CFAP44: variants seen among roughly 807,000 people sequenced by gnomAD.
CFAP44 encodes cilia and flagella associated protein 44.
A neutral mutation model predicts 216.2 loss-of-function variants in CFAP44; 134 were observed. That is an observed-to-expected ratio of 0.62 (90% CI 0.54 to 0.72). The LOEUF is 0.72. Ranked by LOEUF, CFAP44 falls within the 30% of genes least tolerant of loss-of-function variation. The pLI, the probability that CFAP44 is intolerant of heterozygous loss-of-function variation, is 0.00. For missense variants in CFAP44, 2,035 were observed against 2,182.1 expected, an observed-to-expected ratio of 0.93 and a Z score of 1.34; for synonymous variants, 700 against 727.6, an observed-to-expected ratio of 0.96 and a Z score of 0.61.
At position 113,344,668 on chromosome 3, in the gene CFAP44, A is replaced by G; in HGVS notation, c.3110T>C (p.Ile1037Thr). ...AGAGGATATCTTGTGGTCACTCAGT[A>G]TGGCATGAACCACAATAGTATCACT... ...LESDTIVVHA[I>T]LSDHKISSYR... The change falls in exon 23 of 35, where the codon ATA becomes ACA. Residue 1037 changes from isoleucine (I) to threonine (T), a missense_variant. Physicochemically the swap from Ile to Thr is moderately conservative, Grantham distance 89. This residue lies in a region of CFAP44 where 1,883 missense variants were observed against 2,023.7 expected (regional missense o/e 0.93). Coordinates refer to ENST00000393845, the MANE Select transcript of CFAP44 (RefSeq NM_001164496.2). 1 of 1,535,624 alleles carries G rather than the reference A, an allele frequency of 6.5e-7. No individual in the cohort carries two copies. Among genetic ancestry groups the G allele is most frequent in the Non-Finnish European group, 8.7e-7 (1 of 1,146,494 alleles).
At chr3:113,350,318 CAGAG>C (rs1248131460) in intron 22 of CFAP44, among the ~76,000 whole-genome samples, 1 of 148,170 alleles carries the variant, frequency 6.7e-6, no homozygotes, top group South Asian at 2.2e-4. Context: ...GACAGAAAGT[CAGAG>C]AGAGAGAAAG....
chr3:113,300,211 G>C (rs1019833525), intron 32 of CFAP44, among the ~76,000 whole-genome samples: 1 of 151,612 alleles, frequency 6.6e-6, no homozygotes, highest in African/African-American at 2.4e-5. Flanking sequence ...CTAGAGTCTG[G>C]GAAGGATAGT....
chr3:113,434,797 A>G (rs922376151), intron 1 of CFAP44: 6 of 152,192 alleles, frequency 3.9e-5, no homozygotes, highest in African/African-American at 1.4e-4. Context: ...TGAAGAAAAA[A>G]CTTTTTACAA....
chr3:113,308,438 G>T (rs910569265), intron 28 of CFAP44, among the ~76,000 whole-genome samples, 170 bp from the exon 29 acceptor site: 1 of 152,196 alleles, frequency 6.6e-6, no homozygotes, highest in Non-Finnish European at 1.5e-5. Flanking sequence ...CCTGCAGAGG[G>T]TTGTGCAGTT....
chr3:113,291,581 T>C lies in CFAP44; in HGVS notation c.5541A>G (p.Lys1847=), dbSNP rs1222965989. The C allele has an allele frequency of 1.3e-6, 2 of 1,537,070 alleles. No homozygotes were observed. The highest frequency in any genetic ancestry group is 2.7e-5 in the African/African-American group (2 of 73,054). ...CTCAAAGGTCTGCGGGCTGTATCTC[T>C]TTCTCTCGTGGAGACTGAATGGGTG... ...ILPPIQSPRE[K]EIQPADL Residue 1847 remains lysine (K), a synonymous_variant, in exon 35 of 35, where the codon AAA becomes AAG. Coordinates refer to ENST00000393845, the MANE Select transcript of CFAP44 (RefSeq NM_001164496.2).
At chr3:113,394,183 G>A (rs1406668207) in intron 15 of CFAP44, among the ~76,000 whole-genome samples, 1 of 152,102 alleles carries the variant, frequency 6.6e-6, no homozygotes, top group Non-Finnish European at 1.5e-5. Flanking sequence ...AGTATAGAAT[G>A]TGTGTACAGC....
At position 113,311,574 on chromosome 3, in the gene CFAP44, C is replaced by T. The variant is rs553493754; in HGVS notation, c.4517-3306G>A. ...AAGTCCAATTAAACCTCTTTTTCTT[C>T]CCAGTCTTGGTTATGTCTTTATCAG... On this transcript the variant is annotated intron_variant, in intron 28 of 34. Transcript: ENST00000393845. Among the ~76,000 whole-genome samples, 10 of 152,256 alleles carry T rather than the reference C, an allele frequency of 6.6e-5. No individual in the cohort carries two copies. In the South Asian group the frequency reaches 2.1e-3, roughly 32 times the overall value.
chr3:113,327,588 C>T (rs757531703), intron 27 of CFAP44, 28 bp downstream of exon 27: 24 of 1,520,542 alleles, frequency 1.6e-5, no homozygotes, highest in Non-Finnish European at 1.9e-5. Context: ...AGGGACCAGC[C>T]AGCTAGGATT....
rs1009715002 is a variant in CFAP44, at chr3:113,291,631, G to A, written c.5491C>T (p.Arg1831Cys). ...SALKEEIALL[R>C]RKGSLILPPI... ...GGGAGGATAAGACTGCCTTTCCTAC[G>A]CAAAAGAGCAATCTCCTCCTTTAAG... The change falls in exon 35 of 35, where the codon CGT becomes TGT. Residue 1831 changes from arginine to cysteine, a missense_variant. This residue lies in a region of CFAP44 where 1,883 missense variants were observed against 2,023.7 expected (regional missense o/e 0.93). Transcript: ENST00000393845. 2.0e-5 allele frequency: 30 copies of A among 1,537,102 alleles called. No individual in the cohort carries two copies. The highest frequency in any genetic ancestry group is 2.4e-5 in the Non-Finnish European group (28 of 1,146,920).
intron 2 of CFAP44, among the ~76,000 whole-genome samples, chr3:113,431,535 G>A (rs542681343): frequency 6.6e-6 from 1 of 152,140 alleles, no homozygotes; most frequent in African/African-American, 2.4e-5. Context: ...AAACTAGGGG[G>A]GAACAAACTA....
At chr3:113,410,299 CT>C (rs1221925082) in intron 6 of CFAP44, among the ~76,000 whole-genome samples, 2 of 152,266 alleles carry the variant, frequency 1.3e-5, no homozygotes, top group East Asian at 3.9e-4. Context: ...TCCCTACCCC[CT>C]CTCCCACCCC....
chr3:113,423,166 G>A (rs141528536), intron 4 of CFAP44, among the ~76,000 whole-genome samples: 262 of 134,746 alleles, frequency 1.9e-3, no homozygotes, highest in African/African-American at 5.8e-3. Context: ...CCAGCCTGGA[G>A]TGCAGTGGCA....
chr3:113,390,604 G>A (rs1390357895), intron 15 of CFAP44, among the ~76,000 whole-genome samples: 3 of 151,874 alleles, frequency 2.0e-5, no homozygotes, highest in African/African-American at 7.2e-5. Context: ...ATCTAAAGAC[G>A]CCACCAAAAA....
chr3:113,330,799 T>C lies in CFAP44; in HGVS notation c.3616-131A>G, dbSNP rs552972914. 36 of 1,232,924 alleles carry C rather than the reference T, an allele frequency of 2.9e-5. No individual in the cohort carries two copies. In the African/African-American group the frequency reaches 5.1e-4, roughly 17 times the overall value. 76.4% of individuals were successfully genotyped at this position (1,232,924 alleles called of 1,614,324 possible). ...AGATAAAAATTCATCTGATCATACCTTTTTACCACCAAGTTTCCCTTTTCT... is the reference window on the plus strand; with the variant it reads ...AGATAAAAATTCATCTGATCATACCCTTTTACCACCAAGTTTCCCTTTTCT... On this transcript the variant is annotated intron_variant, in intron 25 of 34. Transcript: ENST00000393845.
At chr3:113,354,147 T>C (rs1025434279) in intron 22 of CFAP44, among the ~76,000 whole-genome samples, 1 of 151,304 alleles carries the variant, frequency 6.6e-6, no homozygotes, top group African/African-American at 2.4e-5. Flanking sequence ...AGCTCAAGAA[T>C]AGTTAAAAGT....
chr3:113,417,363 G>A (rs1285720465), intron 5 of CFAP44: 1 of 152,164 alleles, frequency 6.6e-6, no homozygotes, highest in East Asian at 1.9e-4. Flanking sequence ...ATTTGTGTCA[G>A]TATTTTCAAA....
chr3:113,363,609 T>C, intron 19 of CFAP44, 77 bp from the exon 20 acceptor site: 2 of 1,296,482 alleles, frequency 1.5e-6, no homozygotes, highest in South Asian at 3.5e-5. Context: ...AAGAAGTAAA[T>C]TAAAAACTCA....
intron 6 of CFAP44, among the ~76,000 whole-genome samples, chr3:113,409,638 C>T (rs1436213226): frequency 6.6e-6 from 1 of 152,104 alleles, no homozygotes; most frequent in Non-Finnish European, 1.5e-5. Context: ...CAGAGTGACT[C>T]CATCTGGAAT....
At chr3:113,369,256 C>A (rs1933067159) in intron 18 of CFAP44, among the ~76,000 whole-genome samples, 2 of 152,202 alleles carry the variant, frequency 1.3e-5, no homozygotes, top group South Asian at 4.1e-4. Context: ...ATAGAACTCT[C>A]CATCTCAAAT....
Sources: allele counts gnomAD v4.1 joint callset (sites outside exome capture counted in the v4.1 genomes callset), GRCh38; gene constraint gnomAD v4.1.1; regional missense constraint gnomAD v4.1.1; transcripts MANE v1.5; gene names NCBI Gene and HGNC (gene_info 2026-07-23, HGNC 2026-07-21).